The following ERI3 variants were observed in gnomAD, a reference collection of about 807,000 sequenced individuals.
ERI3 encodes the protein ERI1 exoribonuclease family member 3.
ERI3 carries 18 observed loss-of-function variants against 44.4 expected under a neutral mutation model. That is an observed-to-expected ratio of 0.41 (90% confidence interval 0.28 to 0.60). The LOEUF (loss-of-function observed/expected upper bound fraction) is 0.60, where lower values mean the gene tolerates loss of function less well. Among genes scored for constraint, ERI3 ranks in the 20% least tolerant of loss-of-function variants. The pLI, the probability that ERI3 is intolerant of heterozygous loss-of-function variation, is 0.36. For missense variants in ERI3, 294 were observed against 435.5 expected (o/e 0.68, Z 2.89); for synonymous variants, 183 against 164.8 (o/e 1.11, Z -0.84).
intron 8 of ERI3, among the ~76,000 whole-genome samples, chr1:44,240,826 T>C (rs1205042178): frequency 2.0e-5 from 3 of 151,900 alleles, no homozygotes; most frequent in Non-Finnish European, 2.9e-5. Context: ...AGAGGAAGGG[T>C]CCAGAACCCT....
chr1:44,311,434 A>G (rs1645970556), intron 5 of ERI3, among the ~76,000 whole-genome samples: 1 of 152,194 alleles, frequency 6.6e-6, no homozygotes, highest in Admixed American at 6.5e-5. Flanking sequence ...AATGAGATGA[A>G]GCAGAGCCCG....
chr1:44,326,632 G>A (rs1646320240), intron 3 of ERI3, among the ~76,000 whole-genome samples: 1 of 152,178 alleles, frequency 6.6e-6, no homozygotes, highest in Non-Finnish European at 1.5e-5. Flanking sequence ...GTTGCTTTGT[G>A]CTTCGGGTCA....
intron 2 of ERI3, among the ~76,000 whole-genome samples, chr1:44,352,158 T>G (rs1646904222): frequency 6.6e-6 from 1 of 152,212 alleles, no homozygotes; most frequent in Non-Finnish European, 1.5e-5. Context: ...ATATCAATCA[T>G]CCAGAGTATG....
At chr1:44,325,176 C>CATG (rs1477196976) in intron 3 of ERI3, among the ~76,000 whole-genome samples, 5 of 149,780 alleles carry the variant, frequency 3.3e-5, no homozygotes, top group African/African-American at 9.8e-5. Context: ...CTCCCGGGTT[C>CATG]AAGCAATTCT....
At chr1:44,294,660 T>C (rs866399546) in intron 6 of ERI3, among the ~76,000 whole-genome samples, 2 of 152,240 alleles carry the variant, frequency 1.3e-5, no homozygotes, top group Admixed American at 6.5e-5. Context: ...CTAGATGGAA[T>C]GGCAGAAGCC....
chr1:44,247,600 G>C (rs1367159080), intron 8 of ERI3, among the ~76,000 whole-genome samples: 1 of 152,106 alleles, frequency 6.6e-6, no homozygotes, highest in African/African-American at 2.4e-5. Flanking sequence ...CCAGCTCCAT[G>C]GGGGGTGGGT....
chr1:44,344,230 T>C (rs950409347), intron 2 of ERI3, among the ~76,000 whole-genome samples: 11 of 114,394 alleles, frequency 9.6e-5, no homozygotes, highest in Admixed American at 1.0e-4. Flanking sequence ...AGAGACTCCA[T>C]CTCAATAAAT....
At chr1:44,282,415 C>A (rs1198480333) in intron 7 of ERI3, among the ~76,000 whole-genome samples, 1 of 152,130 alleles carries the variant, frequency 6.6e-6, no homozygotes, top group African/African-American at 2.4e-5. Context: ...TGTAGAGAAC[C>A]AGAGCCTGGG....
At chr1:44,339,497 A>G (rs1646608383) in intron 2 of ERI3, among the ~76,000 whole-genome samples, 175 bp from the exon 3 acceptor site, 1 of 152,012 alleles carries the variant, frequency 6.6e-6, no homozygotes, top group Admixed American at 6.6e-5. Flanking sequence ...TCTAAATCAT[A>G]GTATTCGTTA....
At chr1:44,326,744 G>C (rs905088484) in intron 3 of ERI3, among the ~76,000 whole-genome samples, 7 of 152,154 alleles carry the variant, frequency 4.6e-5, no homozygotes, top group Non-Finnish European at 5.9e-5. Context: ...AAAAATCGGA[G>C]CTTTAAAAGG....
chr1:44,350,219 G>A (rs1010189340), intron 2 of ERI3, among the ~76,000 whole-genome samples: 8 of 151,780 alleles, frequency 5.3e-5, no homozygotes, highest in African/African-American at 1.7e-4. Flanking sequence ...CCAGGGCTCC[G>A]TTTATTCCAT....
At chr1:44,250,972 C>T (rs538856906) in intron 7 of ERI3, among the ~76,000 whole-genome samples, 2 of 152,294 alleles carry the variant, frequency 1.3e-5, no homozygotes, top group East Asian at 3.9e-4. Context: ...ACCTGCAGAG[C>T]CTAACCTTCA....
intron 3 of ERI3, chr1:44,323,124 A>C: frequency 2.6e-6 from 1 of 390,770 alleles, no homozygotes; most frequent in Non-Finnish European, 4.5e-6. Flanking sequence ...GACCAGTCGT[A>C]TTTACCAGCC....
At chr1:44,310,963 G>GCGCGCGCGCGCGCACACACA (rs1373873768) in intron 5 of ERI3, among the ~76,000 whole-genome samples, 3 of 123,202 alleles carry the variant, frequency 2.4e-5, no homozygotes, top group Non-Finnish European at 3.4e-5. Context: ...GCGCGCGCGC[G>GCGCGCGCGCGCGCACACACA]CACACACACA....
intron 7 of ERI3, among the ~76,000 whole-genome samples, chr1:44,275,115 C>G (rs920932382): frequency 6.6e-6 from 1 of 152,176 alleles, no homozygotes; most frequent in African/African-American, 2.4e-5. Context: ...AAACAAACAG[C>G]TTGCAGAGCC....
intron 7 of ERI3, among the ~76,000 whole-genome samples, chr1:44,248,265 C>A (rs1644596730): frequency 1.3e-5 from 2 of 152,088 alleles, no homozygotes; most frequent in Admixed American, 6.5e-5. Flanking sequence ...GAGTCCCTGG[C>A]CCTCAATGGG....
intron 1 of ERI3, chr1:44,354,599 A>G: frequency 2.0e-6 from 2 of 985,400 alleles, no homozygotes; most frequent in Middle Eastern, 1.0e-3. Context: ...CGAGAGGGTC[A>G]AGGGAATGTT....
In ERI3 at chr1:44,352,869, G is replaced by A; in HGVS notation, c.192C>T (p.Gly64=). 6.2e-7 allele frequency: 1 copy of A among 1,614,104 alleles called. No homozygotes were observed. Among genetic ancestry groups the A allele is most frequent in the South Asian group, 1.1e-5 (1 of 91,084 alleles). The part of the protein sequence containing the change: ...EPSASPAAGL[G]IFEVRRVLDA... ...TCTCACCTCTCCTTACTTCGAAGAT[G>A]CCAAGACCGGCAGCTGGGGATGCTG... Residue 64 remains glycine, a synonymous_variant, in exon 2 of 9, where the codon GGC becomes GGT. Transcript: ENST00000372257.
At position 44,310,991 on chromosome 1, in the gene ERI3, A is replaced by G. The variant is rs1274788927; in HGVS notation, c.666+2178T>C. Among the ~76,000 whole-genome samples, 68 of 150,996 alleles carry G rather than the reference A, an allele frequency of 4.5e-4. 2 individuals carry two copies. Among genetic ancestry groups the G allele is most frequent in the Admixed American group, 1.1e-3 (17 of 15,206 alleles). On this transcript the variant is annotated intron_variant, in intron 5 of 8. Transcript: ENST00000372257. The stretch of plus-strand genomic sequence containing the variant: ...CACACACACACACACACACACACAC[A>G]CACACACACACACACACACACACAC...
Sources: allele counts gnomAD v4.1 joint callset (sites outside exome capture counted in the v4.1 genomes callset), GRCh38; gene constraint gnomAD v4.1.1; transcripts MANE v1.5; gene names NCBI Gene and HGNC (gene_info 2026-07-23, HGNC 2026-07-21).